GPR89B: variants seen among roughly 807,000 people sequenced by gnomAD.
GPR89B encodes G protein-coupled receptor 89B.
In GPR89B, 25 loss-of-function variants were observed where a neutral mutation model predicts 52.4. The observed-to-expected ratio is 0.48, with a 90% CI of 0.35 to 0.67. The LOEUF (loss-of-function observed/expected upper bound fraction) is 0.67. Ranked by LOEUF, GPR89B falls within the 30% of genes least tolerant of loss-of-function variation. The probability of loss-of-function intolerance (pLI) is 0.01; values close to 1 mark genes in which losing one functional copy is unlikely to be tolerated. For synonymous variants in GPR89B, 52 were observed against 151.2 expected (o/e 0.34, Z 4.81); for missense variants, 146 against 450.2 (o/e 0.32, Z 6.11).
At chr1:147,974,486 G>A (rs1657694115) in intron 10 of GPR89B, among the ~76,000 whole-genome samples, 1 of 151,206 alleles carries the variant, frequency 6.6e-6, no homozygotes, top group African/African-American at 2.4e-5. Flanking sequence ...TGTTGTTGGT[G>A]TACAGGAATG....
intron 7 of GPR89B, among the ~76,000 whole-genome samples, chr1:147,959,237 C>T (rs1656356894): frequency 6.6e-6 from 1 of 151,978 alleles, no homozygotes; most frequent in East Asian, 1.9e-4. Flanking sequence ...AAAATGTTAA[C>T]CTCTACCTTG....
In GPR89B at chr1:147,954,996, G is replaced by GA. The variant is rs1284110203; in HGVS notation, c.617+602dup. On this transcript the variant is annotated intron_variant, in intron 7 of 13. Transcript: ENST00000314163. ...ATCATGCTGTACAGTATGTTGCAAA[G>GA]AAAAAAAACCTTATTCCTCCTTGTC... is the stretch of plus-strand genomic sequence containing the variant. 7.3e-4 allele frequency among the ~76,000 whole-genome samples: 111 copies of GA among 151,588 alleles called. 1 individual carries two copies. Among genetic ancestry groups the GA allele is most frequent in the African/African-American group, 2.7e-3 (110 of 41,214 alleles).
intron 7 of GPR89B, among the ~76,000 whole-genome samples, chr1:147,956,408 AT>A (rs1264211442): frequency 6.6e-6 from 1 of 152,250 alleles, no homozygotes. Context: ...TTTTAGGATT[AT>A]TTTTTCTATT....
At chr1:147,970,541 ATCTCTCTCTCTC>A (rs1230663138) in intron 10 of GPR89B, among the ~76,000 whole-genome samples, 41 of 94,390 alleles carry the variant, frequency 4.3e-4, no homozygotes, top group African/African-American at 1.6e-3. Context: ...CTCTATCTCT[ATCTCTCTCTCTC>A]TATCTCTCTC....
chr1:147,935,617 TG>T (rs1255819954), intron 1 of GPR89B, among the ~76,000 whole-genome samples: 6 of 152,230 alleles, frequency 3.9e-5, no homozygotes, highest in African/African-American at 1.4e-4. Flanking sequence ...GGCAGGATGG[TG>T]GAGAAGGTAA....
chr1:148,002,885 T>A, the GPR89B span, among the ~76,000 whole-genome samples: 63 of 152,264 alleles, frequency 4.1e-4, no homozygotes, highest in Admixed American at 3.8e-3. Flanking sequence ...CCCAAATCTA[T>A]TCATGTTACA....
chr1:148,012,674 A>C, the GPR89B span, among the ~76,000 whole-genome samples: 1 of 151,800 alleles, frequency 6.6e-6, no homozygotes, highest in East Asian at 1.9e-4. Flanking sequence ...GAGGAGAGGA[A>C]AGAATAATAT....
chr1:148,019,423 A>G, the GPR89B span, among the ~76,000 whole-genome samples: 1 of 145,386 alleles, frequency 6.9e-6, no homozygotes. Context: ...AGCCTGTTGG[A>G]GGGTGGGGGT....
At chr1:147,994,400 A>G (rs1659264652), downstream of GPR89B, 9 of 1,162,498 alleles carry the variant, frequency 7.7e-6, no homozygotes, top group Non-Finnish European at 1.1e-5. Context: ...GAGTAATGAA[A>G]GAGGGATGAT....
At chr1:147,962,970 CTT>C (rs1312421494) in intron 7 of GPR89B, among the ~76,000 whole-genome samples, 1 of 146,576 alleles carries the variant, frequency 6.8e-6, no homozygotes, top group Non-Finnish European at 1.5e-5. Context: ...AAAAAAGAAT[CTT>C]TGGAATCAAG....
At chr1:147,954,964 T>C (rs1265667922) in intron 7 of GPR89B, among the ~76,000 whole-genome samples, 10 of 152,020 alleles carry the variant, frequency 6.6e-5, no homozygotes, top group South Asian at 2.1e-4. Flanking sequence ...TATTATTTAT[T>C]ACATTCATCA....
At chr1:147,981,196 AG>A (rs2149088135) in intron 10 of GPR89B, among the ~76,000 whole-genome samples, 1 of 144,974 alleles carries the variant, frequency 6.9e-6, no homozygotes, top group East Asian at 2.1e-4. Context: ...GGCCAGGCAC[AG>A]TGGCAGATGC....
At chr1:148,002,378 A>G in the GPR89B span, among the ~76,000 whole-genome samples, 1 of 152,126 alleles carries the variant, frequency 6.6e-6, no homozygotes, top group Non-Finnish European at 1.5e-5. Flanking sequence ...TACCTAAACT[A>G]TTACAGCACC....
At chr1:147,975,444 G>T (rs1657767121) in intron 10 of GPR89B, among the ~76,000 whole-genome samples, 1 of 149,332 alleles carries the variant, frequency 6.7e-6, no homozygotes, top group Non-Finnish European at 1.5e-5. Flanking sequence ...TTTTCTAGTT[G>T]ATTTGCATAG....
chr1:147,984,551 G>C (rs1184894952), intron 10 of GPR89B, among the ~76,000 whole-genome samples: 1 of 149,516 alleles, frequency 6.7e-6, no homozygotes, highest in Non-Finnish European at 1.5e-5. Flanking sequence ...TCTGGTCTTT[G>C]TTATTTCCTT....
intron 1 of GPR89B, chr1:147,928,905 T>A (rs1326332830): frequency 1.1e-5 from 4 of 368,230 alleles, no homozygotes; most frequent in African/African-American, 8.8e-5. Flanking sequence ...TCCTCGAAGC[T>A]TCCGGGCTGC....
chr1:148,013,850 G>C, the GPR89B span, among the ~76,000 whole-genome samples: 1 of 152,046 alleles, frequency 6.6e-6, no homozygotes, highest in African/African-American at 2.4e-5. Flanking sequence ...GCTGTCCCAA[G>C]GACGGCTGGG....
intron 5 of GPR89B, among the ~76,000 whole-genome samples, chr1:147,951,530 A>G (rs1655693466): frequency 6.6e-6 from 1 of 151,998 alleles, no homozygotes; most frequent in Non-Finnish European, 1.5e-5. Flanking sequence ...CGTAAACTCG[A>G]AGCCAAGAAC....
intron 10 of GPR89B, 108 bp from the exon 11 acceptor site, chr1:147,986,091 A>G: frequency 1.3e-6 from 2 of 1,598,262 alleles, no homozygotes; most frequent in Non-Finnish European, 1.7e-6. Context: ...TTTTAGGAAC[A>G]TTGACCTGTA....
Sources: allele counts gnomAD v4.1 joint callset (sites outside exome capture counted in the v4.1 genomes callset), GRCh38; gene constraint gnomAD v4.1.1; transcripts MANE v1.5; gene names NCBI Gene and HGNC (gene_info 2026-07-23, HGNC 2026-07-21).